VEPH1: variants seen among roughly 807,000 people sequenced by gnomAD.
VEPH1 encodes ventricular zone-expressed PH domain-containing protein homolog 1.
VEPH1 carries 80 observed loss-of-function variants against 85.2 expected under a neutral mutation model. That is an observed-to-expected ratio of 0.94 (90% CI 0.78 to 1.13). The LOEUF is 1.13. VEPH1 is among the 50% of genes most tolerant of loss of function. The probability of loss-of-function intolerance (pLI) is 0.00; values close to 1 mark genes in which losing one functional copy is unlikely to be tolerated. For synonymous variants in VEPH1, 297 were observed against 348.0 expected, an observed-to-expected ratio of 0.85 and a Z score of 1.63; for missense variants, 955 against 980.5, an observed-to-expected ratio of 0.97 and a Z score of 0.35.
chr3:157,317,327 A>G lies in VEPH1; in HGVS notation c.1736-126T>C, dbSNP rs904536022. ...GTTTTCAAACTGTGAGCTAATAACT[A>G]CAAACAACTATATATTTGAGAGGGG... On this transcript the variant is annotated intron_variant, in intron 9 of 13. Transcript: ENST00000362010. 26 of 752,814 alleles carry G rather than the reference A, an allele frequency of 3.5e-5. No homozygotes were observed. In the African/African-American group the frequency reaches 4.5e-4, roughly 13 times the overall value. The allele number at this position is 752,814 out of a possible 1,614,324, so 46.6% of individuals were successfully genotyped here. A position where few individuals can be genotyped will look rare whatever the true frequency, so the allele number is the denominator to read the frequency against.
chr3:157,365,326 A>AACC (rs1726517666), intron 7 of VEPH1, among the ~76,000 whole-genome samples: 1 of 152,196 alleles, frequency 6.6e-6, no homozygotes, highest in Non-Finnish European at 1.5e-5. Flanking sequence ...TTTATTCAAC[A>AACC]ACCACTATCC....
At chr3:157,489,705 C>T (rs538282927) in intron 2 of VEPH1, among the ~76,000 whole-genome samples, 20 of 107,820 alleles carry the variant, frequency 1.9e-4, no homozygotes, top group Admixed American at 1.1e-3. Context: ...TGGATGATGT[C>T]AGAGGGCTTT....
chr3:157,451,698 T>C (rs559738024), intron 4 of VEPH1, among the ~76,000 whole-genome samples: 1 of 152,164 alleles, frequency 6.6e-6, no homozygotes, highest in East Asian at 1.9e-4. Context: ...AAGGAAATAA[T>C]AGCAAACAAG....
intron 6 of VEPH1, among the ~76,000 whole-genome samples, chr3:157,405,012 G>C (rs1355467221): frequency 6.6e-6 from 1 of 152,140 alleles, no homozygotes. Flanking sequence ...GTGGCTTCCT[G>C]TCTTTCTTGA....
At chr3:157,342,590 A>C (rs1177362122) in intron 9 of VEPH1, among the ~76,000 whole-genome samples, 1 of 152,180 alleles carries the variant, frequency 6.6e-6, no homozygotes, top group Non-Finnish European at 1.5e-5. Context: ...ACACTTTAAC[A>C]CTCCACTGTC....
intron 11 of VEPH1, among the ~76,000 whole-genome samples, chr3:157,311,293 T>C (rs2108505284): frequency 6.6e-6 from 1 of 152,324 alleles, no homozygotes; most frequent in Middle Eastern, 3.4e-3. Flanking sequence ...AGGAGTTTCT[T>C]CCTTCTTTCT....
At chr3:157,490,929 T>G (rs1739162870) in intron 2 of VEPH1, among the ~76,000 whole-genome samples, 1 of 152,204 alleles carries the variant, frequency 6.6e-6, no homozygotes, top group Non-Finnish European at 1.5e-5. Flanking sequence ...AAGGGAATAC[T>G]CTGCCTCAGC....
chr3:157,428,013 TCTC>T (rs1732876052), intron 5 of VEPH1, among the ~76,000 whole-genome samples: 1 of 152,174 alleles, frequency 6.6e-6, no homozygotes, highest in South Asian at 2.1e-4. Flanking sequence ...ACATTGGTCT[TCTC>T]CTGTCCTCAG....
At chr3:157,424,420 C>A (rs1251568696) in intron 5 of VEPH1, among the ~76,000 whole-genome samples, 6 of 152,138 alleles carry the variant, frequency 3.9e-5, no homozygotes, top group Non-Finnish European at 7.3e-5. Flanking sequence ...ATACCTGAAA[C>A]TGTGGACGTG....
chr3:157,390,272 G>A (rs963613903), intron 6 of VEPH1, among the ~76,000 whole-genome samples: 1 of 152,204 alleles, frequency 6.6e-6, no homozygotes, highest in South Asian at 2.1e-4. Context: ...GGGACAATGA[G>A]TTAGGGTTAC....
intron 6 of VEPH1, among the ~76,000 whole-genome samples, chr3:157,383,708 T>C (rs1474766181): frequency 1.3e-5 from 2 of 152,210 alleles, no homozygotes; most frequent in Non-Finnish European, 2.9e-5. Context: ...CAGAGGCTTG[T>C]GCTTTCATGA....
chr3:157,497,788 C>T (rs1280118167), intron 1 of VEPH1, among the ~76,000 whole-genome samples: 1 of 152,216 alleles, frequency 6.6e-6, no homozygotes, highest in African/African-American at 2.4e-5. Context: ...AACTTCAGCT[C>T]TTACTCTTGA....
chr3:157,439,552 G>A (rs906709265), intron 4 of VEPH1, among the ~76,000 whole-genome samples: 1 of 152,070 alleles, frequency 6.6e-6, no homozygotes, highest in Non-Finnish European at 1.5e-5. Context: ...GGGTATCCCT[G>A]GTCCCCAAAA....
intron 9 of VEPH1, among the ~76,000 whole-genome samples, chr3:157,339,964 A>C (rs1000399778): frequency 1.2e-4 from 18 of 152,222 alleles, no homozygotes; most frequent in African/African-American, 3.9e-4. Flanking sequence ...TTGTTATTAC[A>C]TCTGAGATGG....
chr3:157,431,434 T>C (rs1320491806), intron 4 of VEPH1, among the ~76,000 whole-genome samples: 1 of 152,208 alleles, frequency 6.6e-6, no homozygotes, highest in Non-Finnish European at 1.5e-5. Context: ...ATCTCTCTGA[T>C]CCCTGTTCCT....
At chr3:157,466,922 C>T (rs1203885549) in intron 3 of VEPH1, among the ~76,000 whole-genome samples, 1 of 152,022 alleles carries the variant, frequency 6.6e-6, no homozygotes, top group Non-Finnish European at 1.5e-5. Flanking sequence ...TGAGTTTCCT[C>T]AATACAAAAT....
intron 2 of VEPH1, among the ~76,000 whole-genome samples, chr3:157,494,846 A>T (rs1443807464): frequency 6.6e-6 from 1 of 151,972 alleles, no homozygotes; most frequent in Non-Finnish European, 1.5e-5. Flanking sequence ...TTGTTTACTG[A>T]TGCTGTTATG....
chr3:157,358,528 C>A (rs1375702640), intron 9 of VEPH1, among the ~76,000 whole-genome samples: 3 of 152,090 alleles, frequency 2.0e-5, no homozygotes, highest in African/African-American at 7.2e-5. Flanking sequence ...AAAAAAGAAA[C>A]CTTCCCCAGA....
At chr3:157,291,452 A>G (rs1475227276) in intron 11 of VEPH1, among the ~76,000 whole-genome samples, 1 of 152,198 alleles carries the variant, frequency 6.6e-6, no homozygotes. Flanking sequence ...CAATTTTTTT[A>G]TGTTTTTCAA....
Sources: gnomAD v4.1 joint callset for allele counts (sites outside exome capture counted in the v4.1 genomes callset) on GRCh38, gnomAD v4.1.1 for gene constraint, MANE v1.5 for transcripts, NCBI Gene and HGNC (gene_info 2026-07-23, HGNC 2026-07-21) for gene names.